GRK5: variants seen among roughly 807,000 people sequenced by gnomAD.
GRK5 encodes the protein G protein-coupled receptor kinase 5, also known as g protein-coupled receptor kinase GRK5.
GRK5 carries 40 observed loss-of-function variants against 78.4 expected under a neutral mutation model. The observed-to-expected ratio is 0.51, with a 90% CI of 0.40 to 0.66. GRK5 has a LOEUF of 0.66. Among genes scored for constraint, GRK5 ranks in the 30% least tolerant of loss-of-function variants. The probability of loss-of-function intolerance (pLI) is 0.00; values close to 1 mark genes in which losing one functional copy is unlikely to be tolerated. For missense variants in GRK5, 598 were observed against 759.9 expected (o/e 0.79, Z 2.50); for synonymous variants, 289 against 296.8 (o/e 0.97, Z 0.27).
intron 1 of GRK5, among the ~76,000 whole-genome samples, chr10:119,307,974 G>A (rs189666094): frequency 4.6e-5 from 7 of 152,198 alleles, no homozygotes; most frequent in Admixed American, 2.6e-4. Context: ...AAGGGTCATG[G>A]GGAACCTGGG....
At chr10:119,219,408 A>G (rs1353514018) in intron 1 of GRK5, among the ~76,000 whole-genome samples, 1 of 152,206 alleles carries the variant, frequency 6.6e-6, no homozygotes, top group Non-Finnish European at 1.5e-5. Context: ...TTAGATTTTC[A>G]GATTTGGGAT....
intron 1 of GRK5, among the ~76,000 whole-genome samples, chr10:119,256,124 A>T (rs75448546): frequency 0.021 from 3,207 of 151,714 alleles, 57 homozygotes; most frequent in Admixed American, 0.054. Context: ...CTGTCAGGAG[A>T]GGATCCCAGT....
intron 1 of GRK5, among the ~76,000 whole-genome samples, chr10:119,319,914 C>T (rs1850554804): frequency 6.6e-6 from 1 of 152,198 alleles, no homozygotes; most frequent in African/African-American, 2.4e-5. Context: ...AGCATTCATG[C>T]CTTTACCCAG....
At position 119,271,262 on chromosome 10, in the gene GRK5, G is replaced by A. The variant is rs190396763; in HGVS notation, c.53-55254G>A. On this transcript the variant is annotated intron_variant, in intron 1 of 15. Coordinates refer to ENST00000392870, the MANE Select transcript of GRK5 (RefSeq NM_005308.3). The surrounding 1 kb of genome is among the most constrained non-coding windows in gnomAD (Gnocchi z 4.1). Reference sequence around the variant, plus strand: ...CATTCAGAGAGGCCCTCTCAGACACGCCTGGCCTCTTTAGAGGCTCTCTCA... The same window carrying A: ...CATTCAGAGAGGCCCTCTCAGACACACCTGGCCTCTTTAGAGGCTCTCTCA... Among the ~76,000 whole-genome samples the A allele has an allele frequency of 6.6e-6, 1 of 152,142 alleles. No individual in the cohort carries two copies. The highest frequency in any genetic ancestry group is 2.4e-5 in the African/African-American group (1 of 41,412).
At chr10:119,437,981 C>A (rs181718225) in intron 9 of GRK5, among the ~76,000 whole-genome samples, 1 of 152,276 alleles carries the variant, frequency 6.6e-6, no homozygotes, top group African/African-American at 2.4e-5. Context: ...GCCTGTAGTC[C>A]CAGATACTTG....
chr10:119,315,656 C>T (rs1310422095), intron 1 of GRK5, among the ~76,000 whole-genome samples: 1 of 152,216 alleles, frequency 6.6e-6, no homozygotes, highest in East Asian at 1.9e-4. Context: ...TCCTGAAAGC[C>T]CACCTGGGTA....
rs531432113 is a variant in GRK5 at position 119,230,059 on chromosome 10, C to T, written c.52+22090C>T. ...CCAAATGGTGGTGACTTGGGAACAG[C>T]TTGTGGTGGCCCCATTTTTCTGGAG... On this transcript the variant is annotated intron_variant, in intron 1 of 15. Transcript: ENST00000392870. Among the ~76,000 whole-genome samples the T allele has an allele frequency of 2.5e-4, 38 of 152,162 alleles. No homozygotes were observed. In the South Asian group the frequency reaches 3.5e-3, roughly 14 times the overall value.
chr10:119,453,212 T>C lies in GRK5; in HGVS notation c.1610T>C (p.Leu537Pro). 1 of 1,612,982 alleles carries C rather than the reference T, an allele frequency of 6.2e-7. No individual in the cohort carries two copies. The highest frequency in any genetic ancestry group is 1.1e-5 in the South Asian group (1 of 91,066). ...FGPNGTLPPD[L>P]NRNHPPEPPK... The stretch of plus-strand genomic sequence containing the variant: ...CCTAATGGTACCCTCCCGCCAGATC[T>C]GAACAGAAACCACCCTCCGGAACCG... The change falls in exon 15 of 16, where the codon CTG (leucine) becomes CCG (proline). Residue 537 changes from leucine (L) to proline (P), a missense_variant. By Grantham distance (98) the Leu-to-Pro change is moderately conservative. Coordinates refer to ENST00000392870, the MANE Select transcript of GRK5 (RefSeq NM_005308.3).
chr10:119,344,938 T>TCCTTCCTTCCTTCCTTTTCCTC (rs1851061961), intron 2 of GRK5, among the ~76,000 whole-genome samples: 2 of 62,420 alleles, frequency 3.2e-5, no homozygotes, highest in Admixed American at 1.9e-4. Flanking sequence ...TCCTTCCTTT[T>TCCTTCCTTCCTTCCTTTTCCTC]CCTCCCTCCC....
intron 2 of GRK5, among the ~76,000 whole-genome samples, chr10:119,366,412 C>T (rs948864973): frequency 4.6e-5 from 7 of 152,184 alleles, no homozygotes; most frequent in African/African-American, 1.7e-4. Flanking sequence ...AAGGCCAGCT[C>T]TCAGGATAGC....
At chr10:119,385,184 T>C (rs1448088984) in intron 3 of GRK5, among the ~76,000 whole-genome samples, 2 of 152,132 alleles carry the variant, frequency 1.3e-5, no homozygotes, top group East Asian at 3.8e-4. Context: ...CAGAGAACTT[T>C]GACTTTGGGT....
intron 11 of GRK5, among the ~76,000 whole-genome samples, chr10:119,443,165 G>A (rs11198927): frequency 0.082 from 12,443 of 152,306 alleles, 764 homozygotes; most frequent in East Asian, 0.27. Context: ...GAGATTGTTT[G>A]AATTACAGAT....
At chr10:119,357,044 A>G (rs1443680809) in intron 2 of GRK5, among the ~76,000 whole-genome samples, 1 of 152,210 alleles carries the variant, frequency 6.6e-6, no homozygotes, top group Non-Finnish European at 1.5e-5. Flanking sequence ...GGAAGAAAAA[A>G]TTCTTAACAA....
chr10:119,212,656 TATA>T (rs1564850176), intron 1 of GRK5, among the ~76,000 whole-genome samples: 3 of 152,222 alleles, frequency 2.0e-5, no homozygotes, highest in Non-Finnish European at 4.4e-5. Flanking sequence ...GATAAAGCAT[TATA>T]ATGTCTAGAC....
At chr10:119,352,508 C>T (rs1212021684) in intron 2 of GRK5, among the ~76,000 whole-genome samples, 10 of 152,126 alleles carry the variant, frequency 6.6e-5, no homozygotes, top group South Asian at 2.1e-4. Flanking sequence ...TACAGCAGAT[C>T]GAACTGCTTC....
At chr10:119,303,505 G>A (rs1850220571) in intron 1 of GRK5, among the ~76,000 whole-genome samples, 1 of 152,174 alleles carries the variant, frequency 6.6e-6, no homozygotes, top group Non-Finnish European at 1.5e-5. Context: ...TGGGCCGGGA[G>A]GAGCTCAGAG....
intron 15 of GRK5, among the ~76,000 whole-genome samples, chr10:119,454,371 T>C (rs1422420662): frequency 1.3e-5 from 2 of 152,144 alleles, no homozygotes; most frequent in African/African-American, 4.8e-5. Context: ...GAAATGCCCA[T>C]TGCCTAGAGC....
At chr10:119,362,720 A>G (rs374737447) in intron 2 of GRK5, among the ~76,000 whole-genome samples, 51 of 152,334 alleles carry the variant, frequency 3.3e-4, no homozygotes, top group African/African-American at 1.1e-3. Context: ...GGGGCTGCCC[A>G]AGAAGCATGG....
chr10:119,424,062 C>T (rs891135863), intron 5 of GRK5, among the ~76,000 whole-genome samples: 4 of 152,114 alleles, frequency 2.6e-5, no homozygotes, highest in Non-Finnish European at 5.9e-5. Context: ...CTGGGAGGGC[C>T]GTCCTGGGAC....
Sources: gnomAD v4.1 joint callset for allele counts (sites outside exome capture counted in the v4.1 genomes callset) on GRCh38, gnomAD v4.1.1 for gene constraint, Gnocchi (gnomAD v3.1) non-coding constraint, MANE v1.5 for transcripts, NCBI Gene and HGNC (gene_info 2026-07-23, HGNC 2026-07-21) for gene names.